Variants in ZFAND4 observed in about 807,000 individuals in gnomAD.
The protein encoded by ZFAND4 is zinc finger AN1-type containing 4.
A neutral mutation model predicts 64.4 loss-of-function variants in ZFAND4; 43 were observed. The ratio of observed to expected loss-of-function variants is 0.67; its 90% CI spans 0.52 to 0.86. The LOEUF (loss-of-function observed/expected upper bound fraction) is 0.86. Among genes scored for constraint, ZFAND4 ranks in the 40% least tolerant of loss-of-function variants. The pLI is 0.00. For synonymous variants in ZFAND4, 296 were observed against 305.7 expected, an observed-to-expected ratio of 0.97 and a Z score of 0.33; for missense variants, 929 against 859.8, an observed-to-expected ratio of 1.08 and a Z score of -1.01.
rs752929189 is a variant in ZFAND4, at chr10:45,651,947, A to AAT, written c.328+17_328+18dup. Reference sequence around the variant, plus strand: ...AAGAATGTTACTGTCAAATTGCTTTAATATATATATATGCCTACCTCTTCT... The same window carrying AAT: ...AAGAATGTTACTGTCAAATTGCTTTAATATATATATATATGCCTACCTCTTCT... On this transcript the variant is annotated intron_variant, in intron 4 of 9. Transcript: ENST00000344646. The AAT allele has an allele frequency of 6.7e-5, 107 of 1,598,662 alleles. No homozygotes were observed. Among genetic ancestry groups the AAT allele is most frequent in the African/African-American group, 1.3e-4 (10 of 74,548 alleles).
At chr10:45,616,946 G>C (rs1336881152) in intron 9 of ZFAND4, among the ~76,000 whole-genome samples, 1 of 152,028 alleles carries the variant, frequency 6.6e-6, no homozygotes, top group African/African-American at 2.4e-5. Context: ...GGGTGTGGTG[G>C]CGTGCATCTA....
intron 1 of ZFAND4, among the ~76,000 whole-genome samples, chr10:45,669,497 A>G (rs973497853): frequency 6.6e-6 from 1 of 152,250 alleles, no homozygotes; most frequent in African/African-American, 2.4e-5. Flanking sequence ...TCCAATCAAT[A>G]GAAAAAGAGG....
intron 9 of ZFAND4, 144 bp from the exon 10 acceptor site, chr10:45,616,715 T>C: frequency 1.4e-6 from 1 of 722,612 alleles, no homozygotes; most frequent in Non-Finnish European, 2.3e-6. Context: ...TTCCCTTCCA[T>C]TCGTAAACAA....
At chr10:45,667,364 C>G (rs2048889942) in intron 1 of ZFAND4, among the ~76,000 whole-genome samples, 1 of 151,730 alleles carries the variant, frequency 6.6e-6, no homozygotes, top group African/African-American at 2.4e-5. Flanking sequence ...TTAAATCTTC[C>G]TAAACGCTCT....
At chr10:45,651,945 T>C (rs767543888) in intron 4 of ZFAND4, 21 bp downstream of exon 4, 2 of 1,603,790 alleles carry the variant, frequency 1.2e-6, no homozygotes, top group Non-Finnish European at 8.5e-7. Flanking sequence ...TCAAATTGCT[T>C]TAATATATAT....
chr10:45,631,707 G>A (rs1266055352), intron 6 of ZFAND4, among the ~76,000 whole-genome samples: 1 of 152,014 alleles, frequency 6.6e-6, no homozygotes, highest in Non-Finnish European at 1.5e-5. Flanking sequence ...TAAGGATTAA[G>A]GCTAATGTTT....
chr10:45,627,425 A>C (rs1589266595), intron 6 of ZFAND4, among the ~76,000 whole-genome samples: 1 of 152,168 alleles, frequency 6.6e-6, no homozygotes, highest in South Asian at 2.1e-4. Flanking sequence ...GATCTCCAAC[A>C]ATTTTTCCTA....
At chr10:45,636,341 T>G (rs1224644420) in intron 6 of ZFAND4, among the ~76,000 whole-genome samples, 1 of 152,114 alleles carries the variant, frequency 6.6e-6, no homozygotes, top group Non-Finnish European at 1.5e-5. Flanking sequence ...CTTTTATAAT[T>G]TATTTGAAAC....
At chr10:45,624,929 C>A (rs1382460976) in intron 7 of ZFAND4, among the ~76,000 whole-genome samples, 2 of 151,876 alleles carry the variant, frequency 1.3e-5, no homozygotes, top group Non-Finnish European at 2.9e-5. Context: ...CCTGGGACGT[C>A]GTGGCTGCAG....
At position 45,626,290 on chromosome 10, in the gene ZFAND4, A is replaced by G; in HGVS notation, c.1533T>C (p.Asp511=). The change falls in exon 7 of 10, where the codon GAT becomes GAC. Residue 511 remains aspartate (D), a synonymous_variant. Coordinates refer to ENST00000344646, the MANE Select transcript of ZFAND4 (RefSeq NM_174890.4). ...KLQPSSSQSL[D]VQNITDSSFS... is the part of the protein sequence containing the mutation. ...AAGAAGAATCAGTTATGTTTTGAAC[A>G]TCCAGTGACTGAGAAGAAGAAGGCT... 6.2e-7 allele frequency: 1 copy of G among 1,614,218 alleles called. No homozygotes were observed. The highest frequency in any genetic ancestry group is 8.5e-7 in the Non-Finnish European group (1 of 1,180,040).
At position 45,663,591 on chromosome 10, in the gene ZFAND4, T is replaced by G; in HGVS notation, c.135A>C (p.Ser45=). 1 of 1,608,310 alleles carries G rather than the reference T, an allele frequency of 6.2e-7. No homozygotes were observed. The highest frequency in any genetic ancestry group is 1.1e-5 in the South Asian group (1 of 89,278). Residue 45 remains serine (S), a synonymous_variant, in exon 2 of 10, where the codon TCA becomes TCC. Transcript: ENST00000344646. ...LTGTCFELRV[S]PFETVISVKA... is the part of the protein sequence containing the mutation. ...TCACAGAAATAACAGTTTCAAAAGG[T>G]GAAACTCTCAGCTCAAAACATGTTC... is the stretch of plus-strand genomic sequence containing the variant.
chr10:45,627,933 G>C (rs1255651831), intron 6 of ZFAND4, among the ~76,000 whole-genome samples: 1 of 152,110 alleles, frequency 6.6e-6, no homozygotes, highest in Non-Finnish European at 1.5e-5. Flanking sequence ...TGCTGATTTT[G>C]CCTTGTATCT....
intron 7 of ZFAND4, among the ~76,000 whole-genome samples, chr10:45,624,951 T>G (rs1031584483): frequency 6.6e-6 from 1 of 151,946 alleles, no homozygotes; most frequent in East Asian, 1.9e-4. Flanking sequence ...GAGCTGTGAT[T>G]GCACCACTGT....
intron 6 of ZFAND4, among the ~76,000 whole-genome samples, chr10:45,637,507 T>C (rs1180607981): frequency 2.6e-5 from 4 of 152,020 alleles, no homozygotes; most frequent in Non-Finnish European, 4.4e-5. Context: ...ATCCCAGCAC[T>C]TTGGGAGGCC....
chr10:45,666,514 T>C (rs1372259441), intron 1 of ZFAND4, among the ~76,000 whole-genome samples: 1 of 150,732 alleles, frequency 6.6e-6, no homozygotes, highest in African/African-American at 2.4e-5. Flanking sequence ...GATAGTATCT[T>C]TTGAAACACA....
chr10:45,628,896 C>CAAAA (rs74412113), intron 6 of ZFAND4, among the ~76,000 whole-genome samples: 5 of 45,416 alleles, frequency 1.1e-4, no homozygotes, highest in African/African-American at 2.2e-4. Context: ...GGAGCTTCAC[C>CAAAA]AAAAAAAAAA....
In ZFAND4 at chr10:45,618,168, T is replaced by C; in HGVS notation, c.2020A>G (p.Thr674Ala). 7 of 1,613,536 alleles carry C rather than the reference T, an allele frequency of 4.3e-6. No individual in the cohort carries two copies. Among genetic ancestry groups the C allele is most frequent in the Non-Finnish European group, 5.9e-6 (7 of 1,179,804 alleles). ...TNHCFLCGKK[T>A]GLASSYECRC... ...CATTCGTAGCTACTAGCCAGTCCTG[T>C]TTTCTTTCCACAAAGAAAACAATGA... is the stretch of plus-strand genomic sequence containing the variant. Residue 674 changes from threonine (T) to alanine (A), a missense_variant, in exon 9 of 10, where the codon ACA (threonine) becomes GCA (alanine). Transcript: ENST00000344646.
chr10:45,635,777 A>T (rs768223319), intron 6 of ZFAND4, among the ~76,000 whole-genome samples: 12 of 152,256 alleles, frequency 7.9e-5, no homozygotes, highest in Non-Finnish European at 1.8e-4. Flanking sequence ...CAATTTTACA[A>T]GACAAAAAAC....
chr10:45,667,458 CTTTTTT>C (rs60572011), intron 1 of ZFAND4, among the ~76,000 whole-genome samples: 18 of 90,626 alleles, frequency 2.0e-4, no homozygotes, highest in Admixed American at 1.7e-3. Context: ...TCTTTTCTTT[CTTTTTT>C]TTTTTTTTTT....
Sources: gnomAD v4.1 joint callset for allele counts (sites outside exome capture counted in the v4.1 genomes callset) on GRCh38, gnomAD v4.1.1 for gene constraint, MANE v1.5 for transcripts, NCBI Gene and HGNC (gene_info 2026-07-23, HGNC 2026-07-21) for gene names.